The following ACAP1 variants were observed in gnomAD, a reference collection of about 807,000 sequenced individuals.
ACAP1 encodes the protein arf-GAP with coiled-coil, ANK repeat and PH domain-containing protein 1.
In ACAP1, 45 loss-of-function variants were observed where a neutral mutation model predicts 98.8. That is an observed-to-expected ratio of 0.46 (90% CI 0.36 to 0.58). ACAP1 has a LOEUF of 0.58. Among genes scored for constraint, ACAP1 ranks in the 20% least tolerant of loss-of-function variants. The pLI is 0.00. For synonymous variants in ACAP1, 362 were observed against 375.3 expected, an observed-to-expected ratio of 0.96 and a Z score of 0.41; for missense variants, 735 against 971.4, an observed-to-expected ratio of 0.76 and a Z score of 3.24.
At chr17:7,342,708 T>C (rs2073299702) in intron 5 of ACAP1, 1 of 572,090 alleles carries the variant, frequency 1.7e-6, no homozygotes, top group Admixed American at 3.1e-5. Flanking sequence ...GAGACCAGCC[T>C]GTCTAACATG....
Position 7,343,267 on chromosome 17 carries a change from G to A in ACAP1, c.345-112G>A, listed in dbSNP as rs898644735. On this transcript the variant is annotated intron_variant, in intron 5 of 21. Transcript: ENST00000158762. The surrounding 1 kb of genome is among the most constrained non-coding windows in gnomAD (Gnocchi z 4.9). The stretch of plus-strand genomic sequence containing the variant: ...ACTTCCGTCCCAGGGATCACCTTGG[G>A]TTTCCCACGTTGCAGAGACTAACTG... 7.7e-6 allele frequency: 9 copies of A among 1,169,664 alleles called. No individual in the cohort carries two copies. The highest frequency in any genetic ancestry group is 1.6e-5 in the South Asian group (1 of 63,866). 72.5% of individuals were successfully genotyped at this position (1,169,664 alleles called of 1,614,324 possible). A position where few individuals can be genotyped will look rare whatever the true frequency, so the allele number is the denominator to read the frequency against.
Position 7,350,652 on chromosome 17 carries a change from A to G in ACAP1, c.2073-298A>G. On this transcript the variant is annotated intron_variant, in intron 20 of 21. Transcript: ENST00000158762. This position sits in a 1 kb window ranked among gnomAD's most constrained non-coding sequence, Gnocchi z 4.6. ...GAGACGGAGTCTCACTCTGTCGCCC[A>G]GGCTAGAGTGCAGGGGCGCGATCTC... 2.6e-6 allele frequency: 1 copy of G among 386,846 alleles called. No homozygotes were observed. Among genetic ancestry groups the G allele is most frequent in the South Asian group, 3.0e-5 (1 of 33,630 alleles). The allele number at this position is 386,846 out of a possible 1,614,324, so 24.0% of individuals were successfully genotyped here.
chr17:7,350,046 C>T lies in ACAP1; in HGVS notation c.1953C>T (p.Gly651=). 12 of 1,613,154 alleles carry T rather than the reference C, an allele frequency of 7.4e-6. No individual in the cohort carries two copies. The highest frequency in any genetic ancestry group is 1.0e-5 in the Non-Finnish European group (12 of 1,179,302). Residue 651 remains glycine (G), a synonymous_variant, in exon 19 of 22, where the codon GGC becomes GGT. Coordinates refer to ENST00000158762, the MANE Select transcript of ACAP1 (RefSeq NM_014716.4). The surrounding 1 kb of genome is among the most constrained non-coding windows in gnomAD (Gnocchi z 4.6). ...CGCTGCACCACGCAACCATTCTTGG[C>T]CACACGGGGTAGGGATGATGGCATG... The part of the protein sequence containing the change: ...RGPLHHATIL[G]HTGLACLFLK...
chr17:7,340,786 T>C (rs1284466396), intron 2 of ACAP1, among the ~76,000 whole-genome samples: 2 of 152,092 alleles, frequency 1.3e-5, no homozygotes, highest in Non-Finnish European at 2.9e-5. Flanking sequence ...GTGGAGGTTG[T>C]GGTGAGCCAA....
chr17:7,348,062 G>A lies in ACAP1; in HGVS notation c.1414-65G>A, dbSNP rs564663138. The stretch of plus-strand genomic sequence containing the variant: ...GGCAAGGACATGGCGGTGCAGGGGC[G>A]TGATCCCTGAGGAGTCACTCACCCC... On this transcript the variant is annotated intron_variant, in intron 15 of 21. Coordinates refer to ENST00000158762, the MANE Select transcript of ACAP1 (RefSeq NM_014716.4). The A allele has an allele frequency of 8.1e-6, 13 of 1,609,816 alleles. No homozygotes were observed. In the African/African-American group the frequency reaches 9.3e-5, roughly 12 times the overall value.
intron 2 of ACAP1, among the ~76,000 whole-genome samples, chr17:7,338,477 G>A (rs1028787814): frequency 6.6e-6 from 1 of 151,914 alleles, no homozygotes; most frequent in Admixed American, 6.6e-5. Flanking sequence ...TGGCTAAGCT[G>A]GTCTTGAACT....
chr17:7,339,975 CT>C (rs1327524299), intron 2 of ACAP1, among the ~76,000 whole-genome samples: 18 of 152,146 alleles, frequency 1.2e-4, no homozygotes, highest in Non-Finnish European at 2.9e-5. Context: ...CAGAATAATG[CT>C]GCTGCCGGGT....
rs959957151 is a variant in ACAP1 at position 7,336,954 on chromosome 17, A to G, written c.53+167A>G. On this transcript the variant is annotated intron_variant, in intron 1 of 21. Coordinates refer to ENST00000158762, the MANE Select transcript of ACAP1 (RefSeq NM_014716.4). The stretch of plus-strand genomic sequence containing the variant: ...CCAGCTGTGAAAGCAGGGTACTCCA[A>G]TGCTCTCTGCCCCTGCATGCTCCTC... 2.6e-5 allele frequency among the ~76,000 whole-genome samples: 4 copies of G among 152,000 alleles called. No homozygotes were observed. In the East Asian group the frequency reaches 5.8e-4, roughly 22 times the overall value.
chr17:7,337,473 A>G lies in ACAP1; in HGVS notation c.111+104A>G, dbSNP rs1220820043. Reference sequence around the variant, plus strand: ...GAATGCATCCCAGGGATTATTGAATACTGTGTAGGGGAGATATTTTGGAGA... The same window carrying G: ...GAATGCATCCCAGGGATTATTGAATGCTGTGTAGGGGAGATATTTTGGAGA... On this transcript the variant is annotated intron_variant, in intron 2 of 21. Transcript: ENST00000158762. The G allele has an allele frequency of 6.6e-6, 7 of 1,063,820 alleles. No homozygotes were observed. The East Asian group carries it at 1.7e-4, about 25-fold the overall frequency. The allele number at this position is 1,063,820 out of a possible 1,614,324, so 65.9% of individuals were successfully genotyped here.
rs770337451 is a variant in ACAP1 at position 7,350,211 on chromosome 17, A to G, written c.2046A>G (p.Glu682=). Residue 682 remains glutamate, a synonymous_variant, in exon 20 of 22, where the codon GAA becomes GAG. Coordinates refer to ENST00000158762, the MANE Select transcript of ACAP1 (RefSeq NM_014716.4). This position sits in a 1 kb window ranked among gnomAD's most constrained non-coding sequence, Gnocchi z 4.6. ...EGRDPLTIAM[E]TANADIVTLL... ...GGGACCCTCTGACCATCGCCATGGA[A>G]ACAGCCAACGCTGACATCGTCACCC... is the stretch of plus-strand genomic sequence containing the variant. 1.5e-5 allele frequency: 25 copies of G among 1,614,124 alleles called. No individual in the cohort carries two copies. In the Admixed American group the frequency reaches 4.0e-4, roughly 26 times the overall value.
chr17:7,343,863 G>T lies in ACAP1; in HGVS notation c.576G>T (p.Val192=), dbSNP rs753634910. The T allele has an allele frequency of 6.2e-7, 1 of 1,613,840 alleles. No individual in the cohort carries two copies. The highest frequency in any genetic ancestry group is 1.7e-5 in the Admixed American group (1 of 59,970). Residue 192 remains valine, a splice_region_variant and synonymous_variant, in exon 8 of 22, where the codon GTG becomes GTT. Transcript: ENST00000158762. The surrounding 1 kb of genome is among the most constrained non-coding windows in gnomAD (Gnocchi z 4.9). ...CCACTGCCCGCCTTGTCCCCCAGGT[G>T]CTGCGTTTGGTGGAGGCCCAGGCTA... ...DKRKFDIMEF[V]LRLVEAQATH...
chr17:7,351,439 CG>C lies in ACAP1; in HGVS notation c.*47del. 1.4e-6 allele frequency: 2 copies of C among 1,444,126 alleles called. No homozygotes were observed. The highest frequency in any genetic ancestry group is 1.9e-6 in the Non-Finnish European group (2 of 1,041,350). 89.5% of individuals were successfully genotyped at this position (1,444,126 alleles called of 1,614,324 possible). A position where few individuals can be genotyped will look rare whatever the true frequency, so the allele number is the denominator to read the frequency against. On this transcript the variant is annotated 3_prime_UTR_variant, in exon 22 of 22. Transcript: ENST00000158762. ...CGCGCCTGCCTCCCTTCCCCGCCAC[CG>C]GGCCCTCTGCCATTAAAGCCTCCGT...
At position 7,344,699 on chromosome 17, in the gene ACAP1, C is replaced by T. The variant is rs769522511; in HGVS notation, c.854+51C>T. ...CCCGCCCCACCCAATGATGTATTTTCGAGTGGTAATAGCACACTAAGCACT... is the reference window on the plus strand; with the variant it reads ...CCCGCCCCACCCAATGATGTATTTTTGAGTGGTAATAGCACACTAAGCACT... On this transcript the variant is annotated intron_variant, in intron 10 of 21. Transcript: ENST00000158762. The surrounding 1 kb of genome is among the most constrained non-coding windows in gnomAD (Gnocchi z 4.9). 17 of 1,378,152 alleles carry T rather than the reference C, an allele frequency of 1.2e-5. No homozygotes were observed. The highest frequency in any genetic ancestry group is 3.5e-4 in the Middle Eastern group (2 of 5,662). The allele number at this position is 1,378,152 out of a possible 1,614,324, so 85.4% of individuals were successfully genotyped here.
At position 7,350,323 on chromosome 17, in the gene ACAP1, G is replaced by A; in HGVS notation, c.2072+86G>A. ...GTTCGGGCGGGCGGGCGGGGCTGAC[G>A]CCGAAACAGAAGCCTGTGCTGTGGG... On this transcript the variant is annotated intron_variant, in intron 20 of 21. Coordinates refer to ENST00000158762, the MANE Select transcript of ACAP1 (RefSeq NM_014716.4). This position sits in a 1 kb window ranked among gnomAD's most constrained non-coding sequence, Gnocchi z 4.6. The A allele has an allele frequency of 9.0e-7, 1 of 1,107,426 alleles. No homozygotes were observed. Among genetic ancestry groups the A allele is most frequent in the Non-Finnish European group, 1.3e-6 (1 of 766,572 alleles). 68.6% of individuals were successfully genotyped at this position (1,107,426 alleles called of 1,614,324 possible). A position where few individuals can be genotyped will look rare whatever the true frequency, so the allele number is the denominator to read the frequency against.
chr17:7,348,376 C>T lies in ACAP1; in HGVS notation c.1579C>T (p.Arg527Ter), dbSNP rs766898275. The change falls in exon 17 of 22, where the codon CGA becomes TGA. Residue 527 changes from arginine to a stop codon, truncating the protein, a stop_gained. Coordinates refer to ENST00000158762, the MANE Select transcript of ACAP1 (RefSeq NM_014716.4). LOFTEE classifies it high-confidence loss of function. ...GTTCCTGACCAAGCTGCCTGAGATT[C>T]GAGGGCGAAGAGGTGGCCGGGGGCG... ...KKFLTKLPEIRGRRGGRGRPR... is the reference protein window; with the variant it reads ...KKFLTKLPEI 1.9e-6 allele frequency: 3 copies of T among 1,572,310 alleles called. No homozygotes were observed. The highest frequency in any genetic ancestry group is 2.6e-6 in the Non-Finnish European group (3 of 1,156,982).
At position 7,341,834 on chromosome 17, in the gene ACAP1, C is replaced by T. The variant is rs1597649427; in HGVS notation, c.112-114C>T. 8 of 1,480,908 alleles carry T rather than the reference C, an allele frequency of 5.4e-6. No homozygotes were observed. In the East Asian group the frequency reaches 1.4e-4, roughly 25 times the overall value. 91.7% of individuals were successfully genotyped at this position (1,480,908 alleles called of 1,614,324 possible). A position where few individuals can be genotyped will look rare whatever the true frequency, so the allele number is the denominator to read the frequency against. Reference sequence around the variant, plus strand: ...GAGCCTGGAGGGCAGTGAGGCCAGGCAGGAATAGGGGAGCGCCGCCCTGGG... The same window carrying T: ...GAGCCTGGAGGGCAGTGAGGCCAGGTAGGAATAGGGGAGCGCCGCCCTGGG... On this transcript the variant is annotated intron_variant, in intron 2 of 21. Transcript: ENST00000158762.
In ACAP1 at chr17:7,347,919, C is replaced by T. The variant is rs752851285; in HGVS notation, c.1344-3C>T. Reference sequence around the variant, plus strand: ...GCCTGACCCTCCCCCTCTGGCCCTCCAGGAGCCTTGGTGTTCACTTCTCCA... The same window carrying T: ...GCCTGACCCTCCCCCTCTGGCCCTCTAGGAGCCTTGGTGTTCACTTCTCCA... On this transcript the variant is annotated splice_region_variant and splice_polypyrimidine_tract_variant and intron_variant, in intron 14 of 21. Coordinates refer to ENST00000158762, the MANE Select transcript of ACAP1 (RefSeq NM_014716.4). 1.2e-6 allele frequency: 2 copies of T among 1,614,102 alleles called. No homozygotes were observed. The highest frequency in any genetic ancestry group is 1.7e-6 in the Non-Finnish European group (2 of 1,179,954).
chr17:7,349,132 G>C lies in ACAP1; in HGVS notation c.1816G>C (p.Asp606His). ...TGTCAACTGGGTCAATGGGGGCCAAGATAATGCCACACCGCTGATCCAGGC... is the reference window on the plus strand; with the variant it reads ...TGTCAACTGGGTCAATGGGGGCCAACATAATGCCACACCGCTGATCCAGGC... The part of the protein sequence containing the change: ...ADVNWVNGGQ[D>H]NATPLIQATA... The change falls in exon 18 of 22, where the codon GAT becomes CAT. Residue 606 changes from aspartate (D) to histidine (H), a missense_variant. By Grantham distance (81) the Asp-to-His change is moderately conservative. Around this residue, in one of 5 missense-constraint regions of ACAP1, gnomAD observed 142 missense variants for 224.1 expected, o/e 0.63. Transcript: ENST00000158762. 6 of 1,614,054 alleles carry C rather than the reference G, an allele frequency of 3.7e-6. No homozygotes were observed. Among genetic ancestry groups the C allele is most frequent in the Non-Finnish European group, 5.1e-6 (6 of 1,180,008 alleles).
intron 18 of ACAP1, chr17:7,349,670 C>T (rs1015114348): frequency 5.8e-5 from 23 of 397,980 alleles, no homozygotes; most frequent in Non-Finnish European, 9.5e-5. Context: ...CCACTGTGCC[C>T]GGCCTACAGG....
Sources: gnomAD v4.1 joint callset for allele counts (sites outside exome capture counted in the v4.1 genomes callset) on GRCh38, gnomAD v4.1.1 for gene constraint, gnomAD v4.1.1 regional missense constraint, Gnocchi (gnomAD v3.1) non-coding constraint, MANE v1.5 for transcripts, NCBI Gene and HGNC (gene_info 2026-07-23, HGNC 2026-07-21) for gene names.